MCPH1: variants seen among roughly 807,000 people sequenced by gnomAD.
The protein encoded by MCPH1 is microcephalin 1, also known as microcephalin.
In MCPH1, 104 loss-of-function variants were observed where a neutral mutation model predicts 84.5. The observed-to-expected ratio is 1.23, with a 90% confidence interval of 1.05 to 1.45. The LOEUF (loss-of-function observed/expected upper bound fraction) is 1.45, where lower values mean the gene tolerates loss of function less well. Among genes scored for constraint, MCPH1 ranks in the 40% most tolerant of loss-of-function variants. The probability of loss-of-function intolerance (pLI) is 0.00; values close to 1 mark genes in which losing one functional copy is unlikely to be tolerated. For missense variants in MCPH1, 1,498 were observed against 1,005.7 expected (o/e 1.49, Z -6.62); for synonymous variants, 514 against 366.8 (o/e 1.40, Z -4.58).
rs7017210 is a variant in MCPH1 at position 6,621,639 on chromosome 8, C to T, written c.2400C>T (p.Tyr800=). The part of the protein sequence containing the change: ...PRQASIVIGP[Y]SGKKKATVKY... ...AGGCCAGCATCGTCATCGGGCCCTACAGCGGAAAGAAGAAAGCCACAGTCA... is the reference window on the plus strand; with the variant it reads ...AGGCCAGCATCGTCATCGGGCCCTATAGCGGAAAGAAGAAAGCCACAGTCA... The change falls in exon 13 of 14, where the codon TAC becomes TAT. Residue 800 remains tyrosine (Y), a synonymous_variant. Transcript: ENST00000344683. 7,134 of 1,614,226 alleles carry T rather than the reference C, an allele frequency of 4.4e-3. 290 individuals are homozygous for T. In the African/African-American group the frequency reaches 0.084, roughly 19 times the overall value.
chr8:6,492,032 G>C (rs1158589366), intron 11 of MCPH1, among the ~76,000 whole-genome samples: 1 of 152,170 alleles, frequency 6.6e-6, no homozygotes, highest in Admixed American at 6.5e-5. Flanking sequence ...TCTAGTTCTA[G>C]ATCCCTGAGG....
chr8:6,601,609 A>G (rs1267442132), intron 12 of MCPH1, among the ~76,000 whole-genome samples: 1 of 146,256 alleles, frequency 6.8e-6, no homozygotes, highest in Non-Finnish European at 1.5e-5. Context: ...CACACACCAT[A>G]CACACCACCC....
At chr8:6,471,470 T>C (rs1269570650) in intron 9 of MCPH1, among the ~76,000 whole-genome samples, 5 of 152,210 alleles carry the variant, frequency 3.3e-5, no homozygotes, top group Non-Finnish European at 7.3e-5. Context: ...TTTCCAGATG[T>C]TTCCTTTCTG....
chr8:6,447,784 C>T (rs1309292310), intron 8 of MCPH1, among the ~76,000 whole-genome samples: 1 of 152,184 alleles, frequency 6.6e-6, no homozygotes, highest in African/African-American at 2.4e-5. Flanking sequence ...CTCGCGACCT[C>T]ATGATCTACC....
At chr8:6,534,995 C>G (rs191816732) in intron 12 of MCPH1, among the ~76,000 whole-genome samples, 288 of 152,268 alleles carry the variant, frequency 1.9e-3, no homozygotes, top group South Asian at 1.9e-3. Context: ...CACAGCACCC[C>G]AGCCAAGATA....
At chr8:6,508,680 C>A in intron 12 of MCPH1, 1 of 597,894 alleles carries the variant, frequency 1.7e-6, no homozygotes, top group Non-Finnish European at 2.9e-6. Flanking sequence ...CAAATATCCC[C>A]TCTCCTTGCC....
intron 8 of MCPH1, among the ~76,000 whole-genome samples, chr8:6,451,839 G>C (rs3020272): frequency 6.6e-6 from 1 of 152,136 alleles, no homozygotes; most frequent in South Asian, 2.1e-4. Context: ...ATTTTTACAT[G>C]TTAAAATTAT....
At chr8:6,632,788 A>G (rs188169225) in intron 13 of MCPH1, among the ~76,000 whole-genome samples, 81 of 152,076 alleles carry the variant, frequency 5.3e-4, no homozygotes, top group African/African-American at 1.8e-3. Flanking sequence ...CAGCCTAGGC[A>G]ACAGAGTGAG....
intron 12 of MCPH1, chr8:6,520,144 T>C: frequency 2.5e-6 from 2 of 791,170 alleles, no homozygotes; most frequent in Non-Finnish European, 3.8e-6. Context: ...CTAGAAAGTT[T>C]CCTTTCAGCC....
intron 12 of MCPH1, chr8:6,532,560 C>G: frequency 1.0e-6 from 1 of 955,818 alleles, no homozygotes; most frequent in East Asian, 2.8e-5. Flanking sequence ...TGTTTGTCGT[C>G]TCCTCCCTAT....
chr8:6,588,527 G>T (rs543022081), intron 12 of MCPH1, among the ~76,000 whole-genome samples: 1 of 152,280 alleles, frequency 6.6e-6, no homozygotes, highest in South Asian at 2.1e-4. Flanking sequence ...CATCTCCCAG[G>T]GAGGCTGTGT....
In MCPH1 at chr8:6,647,262, A is replaced by C. The variant is rs1439072549; in HGVS notation, c.*4213A>C. ...CCCATTAGAATGACTGTAAACAACA[A>C]GACTGATAATTCCAACATCTGACCA... On this transcript the variant is annotated 3_prime_UTR_variant, in exon 14 of 14. Transcript: ENST00000344683. 1 of 152,240 alleles carries C rather than the reference A, an allele frequency of 6.6e-6. No individual in the cohort carries two copies. The allele number at this position is 152,240 out of a possible 1,614,324, so 9.4% of individuals were successfully genotyped here. A position where few individuals can be genotyped will look rare whatever the true frequency, so the allele number is the denominator to read the frequency against.
At chr8:6,431,201 A>G (rs1801783777) in intron 3 of MCPH1, among the ~76,000 whole-genome samples, 1 of 152,200 alleles carries the variant, frequency 6.6e-6, no homozygotes, top group Non-Finnish European at 1.5e-5. Context: ...CCTTAGCTTT[A>G]TGAGTACCAT....
At chr8:6,436,746 G>C (rs1802696992) in intron 5 of MCPH1, among the ~76,000 whole-genome samples, 1 of 151,614 alleles carries the variant, frequency 6.6e-6, no homozygotes, top group Admixed American at 6.6e-5. Flanking sequence ...GAGGCGGGCG[G>C]ATCACGAGGT....
chr8:6,480,764 T>A lies in MCPH1; in HGVS notation c.2024T>A (p.Ile675Asn). The change falls in exon 11 of 14, where the codon ATT (isoleucine) becomes AAT (asparagine). Residue 675 changes from isoleucine to asparagine, a missense_variant. By Grantham distance (149) the Ile-to-Asn change is moderately radical. Transcript: ENST00000344683. ...QVVDKLKGFS[I>N]APDVCETTTH... The stretch of plus-strand genomic sequence containing the variant: ...GTGGATAAATTGAAAGGCTTTTCAA[T>A]TGCACCAGACGTCTGTGAGACCACG... The A allele has an allele frequency of 6.2e-7, 1 of 1,614,190 alleles. No homozygotes were observed.
intron 9 of MCPH1, among the ~76,000 whole-genome samples, chr8:6,471,107 G>C (rs3020282): frequency 0.14 from 20,717 of 152,062 alleles, 2,768 homozygotes; most frequent in African/African-American, 0.33. Flanking sequence ...AACATACTCA[G>C]TGGATCTTGG....
intron 9 of MCPH1, among the ~76,000 whole-genome samples, chr8:6,465,853 G>C (rs551788229): frequency 7.9e-4 from 121 of 152,266 alleles, no homozygotes; most frequent in Non-Finnish European, 1.4e-3. Flanking sequence ...TTAAATGTGA[G>C]TGGTTTTCCC....
intron 12 of MCPH1, among the ~76,000 whole-genome samples, chr8:6,529,623 ATTTT>A (rs35322987): frequency 8.3e-6 from 1 of 120,972 alleles, no homozygotes; most frequent in Admixed American, 8.8e-5. Flanking sequence ...CGCCTGGCTA[ATTTT>A]TTTTTTTTTT....
intron 12 of MCPH1, among the ~76,000 whole-genome samples, chr8:6,602,973 G>A (rs759074993): frequency 1.6e-4 from 25 of 151,630 alleles, no homozygotes; most frequent in Non-Finnish European, 2.4e-4. Context: ...GTGTGCCCTT[G>A]AGTGTGCATC....
Sources: allele counts gnomAD v4.1 joint callset (sites outside exome capture counted in the v4.1 genomes callset), GRCh38; gene constraint gnomAD v4.1.1; transcripts MANE v1.5; gene names NCBI Gene and HGNC (gene_info 2026-07-23, HGNC 2026-07-21).